The following NSG2 variants were observed in gnomAD, a reference collection of about 807,000 sequenced individuals.
NSG2 encodes neuronal vesicle trafficking associated 2.
A neutral mutation model predicts 16.9 loss-of-function variants in NSG2; 4 were observed. The ratio of observed to expected loss-of-function variants is 0.24; its 90% CI spans 0.12 to 0.54. NSG2 has a LOEUF of 0.54. Among genes scored for constraint, NSG2 ranks in the 20% least tolerant of loss-of-function variants. The pLI is 0.95. For synonymous variants in NSG2, 98 were observed against 88.7 expected, an observed-to-expected ratio of 1.11 and a Z score of -0.59; for missense variants, 179 against 221.1, an observed-to-expected ratio of 0.81 and a Z score of 1.21.
intron 2 of NSG2, among the ~76,000 whole-genome samples, chr5:174,061,298 C>T (rs1760046469): frequency 6.6e-6 from 1 of 151,976 alleles, no homozygotes; most frequent in Admixed American, 6.6e-5. Context: ...TAGTGATGTC[C>T]AAAATATTTC....
intron 3 of NSG2, among the ~76,000 whole-genome samples, chr5:174,090,966 A>T (rs1760712154): frequency 6.6e-6 from 1 of 151,826 alleles, no homozygotes; most frequent in Admixed American, 6.6e-5. Context: ...GAAATTTGGG[A>T]ATGATATTTA....
chr5:174,051,325 G>T (rs1759885780), intron 2 of NSG2, among the ~76,000 whole-genome samples: 1 of 152,076 alleles, frequency 6.6e-6, no homozygotes, highest in Non-Finnish European at 1.5e-5. Context: ...CTAGAGTCTT[G>T]CATACTCCCC....
In NSG2 at chr5:174,046,859, A is replaced by T. The variant is rs772628973; in HGVS notation, c.104A>T (p.His35Leu). Residue 35 changes from histidine to leucine, a missense_variant, in exon 2 of 5, where the codon CAC (histidine) becomes CTC (leucine). Physicochemically the swap from His to Leu is moderately conservative, Grantham distance 99 (BLOSUM62 -3). Coordinates refer to ENST00000303177, the MANE Select transcript of NSG2 (RefSeq NM_015980.5). ...VPLITPLEVN[H>L]LQLPAPEKVI... is the part of the protein sequence containing the mutation. ...CTCATCACTCCCTTGGAGGTTAATC[A>T]CTTACAGCTGCCTGCTCCAGAAAAG... The T allele has an allele frequency of 2.5e-6, 4 of 1,613,902 alleles. No homozygotes were observed. The African/African-American group carries it at 5.3e-5, about 22-fold the overall frequency.
chr5:174,094,162 T>C (rs1386003775), intron 3 of NSG2, among the ~76,000 whole-genome samples: 1 of 152,206 alleles, frequency 6.6e-6, no homozygotes, highest in Non-Finnish European at 1.5e-5. Context: ...GCTGTACTCC[T>C]TCAGGAACCA....
intron 2 of NSG2, among the ~76,000 whole-genome samples, chr5:174,047,445 G>A (rs1196222754): frequency 6.6e-6 from 1 of 152,220 alleles, no homozygotes; most frequent in African/African-American, 2.4e-5. Context: ...TTCTATTGGG[G>A]TGGAGAAGGT....
chr5:174,103,589 C>T (rs1334938073), intron 3 of NSG2, among the ~76,000 whole-genome samples: 3 of 152,148 alleles, frequency 2.0e-5, no homozygotes, highest in Non-Finnish European at 4.4e-5. Context: ...GCTTAATGAT[C>T]AACTCCCCCA....
In NSG2 at chr5:174,107,507, G is replaced by A. The variant is rs911539200; in HGVS notation, c.*2G>A. On this transcript the variant is annotated 3_prime_UTR_variant, in exon 5 of 5. Coordinates refer to ENST00000303177, the MANE Select transcript of NSG2 (RefSeq NM_015980.5). The surrounding 1 kb of genome is among the most constrained non-coding windows in gnomAD (Gnocchi z 4.5). ...CCGCCCAAGACCCAGGGCCACTAGA[G>A]GCCTGCCCCAGCCAGAATGGGGGGC... 2 of 1,605,880 alleles carry A rather than the reference G, an allele frequency of 1.2e-6. No individual in the cohort carries two copies. Among genetic ancestry groups the A allele is most frequent in the Non-Finnish European group, 1.7e-6 (2 of 1,174,614 alleles).
intron 3 of NSG2, among the ~76,000 whole-genome samples, chr5:174,094,509 A>G (rs1461433478): frequency 1.3e-5 from 2 of 152,208 alleles, no homozygotes; most frequent in Non-Finnish European, 2.9e-5. Context: ...CCAAGGTCAC[A>G]CAGCTCATCA....
At chr5:174,048,592 C>T (rs1759836967) in intron 2 of NSG2, among the ~76,000 whole-genome samples, 1 of 152,130 alleles carries the variant, frequency 6.6e-6, no homozygotes, top group Non-Finnish European at 1.5e-5. Flanking sequence ...TATAGCCTTG[C>T]AGATCTGCAT....
intron 3 of NSG2, among the ~76,000 whole-genome samples, chr5:174,091,644 G>GGGGT (rs1760722776): frequency 7.2e-6 from 1 of 139,606 alleles, no homozygotes; most frequent in Non-Finnish European, 1.6e-5. Flanking sequence ...AACTAGGACT[G>GGGGT]GTGTGTGTGT....
In NSG2 at chr5:174,090,120, A is replaced by G. The variant is rs187957815; in HGVS notation, c.214-14108A>G. On this transcript the variant is annotated intron_variant, in intron 3 of 4. Transcript: ENST00000303177. Reference sequence around the variant, plus strand: ...AGGGGCAGCTGTGTTGACGGTCCCCAAGACCATCCCCAGGTTCAATAATTC... The same window carrying G: ...AGGGGCAGCTGTGTTGACGGTCCCCGAGACCATCCCCAGGTTCAATAATTC... 8.5e-5 allele frequency among the ~76,000 whole-genome samples: 13 copies of G among 152,342 alleles called. 1 individual carries two copies. Among genetic ancestry groups the G allele is most frequent in the Middle Eastern group, 3.4e-3 (1 of 294 alleles).
chr5:174,085,612 G>A (rs1424517838), intron 3 of NSG2, among the ~76,000 whole-genome samples: 1 of 152,164 alleles, frequency 6.6e-6, no homozygotes, highest in Non-Finnish European at 1.5e-5. Context: ...TACAATCATT[G>A]CCTGTGGAAA....
chr5:174,086,444 C>G (rs1034960380), intron 3 of NSG2: 3 of 152,184 alleles, frequency 2.0e-5, no homozygotes, highest in African/African-American at 7.2e-5. Context: ...CATTCCCGTC[C>G]TTGACAACGA....
intron 3 of NSG2, among the ~76,000 whole-genome samples, chr5:174,095,675 G>A (rs1305737353): frequency 6.6e-6 from 1 of 152,158 alleles, no homozygotes; most frequent in Non-Finnish European, 1.5e-5. Context: ...AGATTTGGAT[G>A]TGGGCATGTA....
chr5:174,061,965 A>T (rs983299415), intron 2 of NSG2, among the ~76,000 whole-genome samples: 4 of 138,804 alleles, frequency 2.9e-5, no homozygotes, highest in Non-Finnish European at 4.6e-5. Flanking sequence ...TTGAATGCCC[A>T]TGTTCCTGAG....
chr5:174,057,963 C>A (rs1759990944), intron 2 of NSG2, among the ~76,000 whole-genome samples: 1 of 152,052 alleles, frequency 6.6e-6, no homozygotes, highest in African/African-American at 2.4e-5. Flanking sequence ...AGAGGCCGTG[C>A]AACTGGATGA....
chr5:174,046,946 A>G (rs548344897), intron 2 of NSG2, 62 bp downstream of exon 2: 1 of 1,573,036 alleles, frequency 6.4e-7, no homozygotes, highest in African/African-American at 1.4e-5. Flanking sequence ...GAAATAAAGC[A>G]GCAAAAAATT....
chr5:174,074,688 C>T (rs1298145257), intron 3 of NSG2, among the ~76,000 whole-genome samples: 1 of 152,100 alleles, frequency 6.6e-6, no homozygotes, highest in Admixed American at 6.5e-5. Flanking sequence ...ATTCCTGTCC[C>T]TCTGCCACTG....
At chr5:174,046,633 A>T in intron 1 of NSG2, 101 bp from the exon 2 acceptor site, 1 of 983,200 alleles carries the variant, frequency 1.0e-6, no homozygotes, top group Non-Finnish European at 1.5e-6. Flanking sequence ...ATTGAAAGCC[A>T]CTTGAGTGGA....
Sources: allele counts gnomAD v4.1 joint callset (sites outside exome capture counted in the v4.1 genomes callset), GRCh38; gene constraint gnomAD v4.1.1; non-coding constraint Gnocchi (gnomAD v3.1); transcripts MANE v1.5; gene names NCBI Gene and HGNC (gene_info 2026-07-23, HGNC 2026-07-21).